Variants in FBXW2 observed in about 807,000 individuals in gnomAD.
FBXW2 encodes F-box/WD repeat-containing protein 2.
A neutral mutation model predicts 46.0 loss-of-function variants in FBXW2; 12 were observed. The ratio of observed to expected loss-of-function variants is 0.26; its 90% CI spans 0.17 to 0.42. The LOEUF (loss-of-function observed/expected upper bound fraction) is 0.42, where lower values mean the gene tolerates loss of function less well. Among genes scored for constraint, FBXW2 ranks in the 10% least tolerant of loss-of-function variants. The probability of loss-of-function intolerance (pLI) is 1.00; values close to 1 mark genes in which losing one functional copy is unlikely to be tolerated. For synonymous variants in FBXW2, 203 were observed against 209.6 expected, an observed-to-expected ratio of 0.97 and a Z score of 0.27; for missense variants, 360 against 537.0, an observed-to-expected ratio of 0.67 and a Z score of 3.26.
intron 5 of FBXW2, among the ~76,000 whole-genome samples, chr9:120,773,239 C>G (rs542719924): frequency 6.6e-6 from 1 of 150,660 alleles, no homozygotes; most frequent in African/African-American, 2.4e-5. Flanking sequence ...TCTTAGCATT[C>G]GTCTAGAAGC....
chr9:120,784,485 G>A (rs888207595), intron 3 of FBXW2, among the ~76,000 whole-genome samples: 16 of 151,732 alleles, frequency 1.1e-4, no homozygotes, highest in Admixed American at 1.3e-4. Context: ...AGGGTTGCTC[G>A]CTTGTAGTCC....
At position 120,759,457 on chromosome 9, in the gene FBXW2, A is replaced by T. The variant is rs1401489139; in HGVS notation, c.*5102T>A. ...TCCCCCTACCCCACACAGTTCAAAT[A>T]TAAACTTTATCTCATGCCCTCTAAA... On this transcript the variant is annotated 3_prime_UTR_variant, in exon 8 of 8. Transcript: ENST00000608872. The T allele has an allele frequency of 6.6e-6, 1 of 152,214 alleles. No homozygotes were observed. Among genetic ancestry groups the T allele is most frequent in the Non-Finnish European group, 1.5e-5 (1 of 68,032 alleles). The allele number at this position is 152,214 out of a possible 1,614,324, so 9.4% of individuals were successfully genotyped here. A position where few individuals can be genotyped will look rare whatever the true frequency, so the allele number is the denominator to read the frequency against.
chr9:120,758,090 G>A lies in FBXW2; in HGVS notation c.*6469C>T, dbSNP rs2044149053. ...TCACTTGTATTTTGGAAAAAACTGA[G>A]AATCAAGGATGAAAGTTAATAGTTG... On this transcript the variant is annotated 3_prime_UTR_variant, in exon 8 of 8. Coordinates refer to ENST00000608872, the MANE Select transcript of FBXW2 (RefSeq NM_012164.4). 1 of 152,136 alleles carries A rather than the reference G, an allele frequency of 6.6e-6. No homozygotes were observed. Among genetic ancestry groups the A allele is most frequent in the African/African-American group, 2.4e-5 (1 of 41,412 alleles). The allele number at this position is 152,136 out of a possible 1,614,324, so 9.4% of individuals were successfully genotyped here. A position where few individuals can be genotyped will look rare whatever the true frequency, so the allele number is the denominator to read the frequency against.
At chr9:120,774,897 T>C (rs2044459360) in intron 5 of FBXW2, among the ~76,000 whole-genome samples, 1 of 152,196 alleles carries the variant, frequency 6.6e-6, no homozygotes, top group African/African-American at 2.4e-5. Flanking sequence ...CTGGCTTATG[T>C]CCAGGTCATC....
Position 120,758,530 on chromosome 9 carries a change from G to C in FBXW2, c.*6029C>G, listed in dbSNP as rs953943668. 1.3e-5 allele frequency: 2 copies of C among 152,210 alleles called. No individual in the cohort carries two copies. The highest frequency in any genetic ancestry group is 4.8e-5 in the African/African-American group (2 of 41,396). The allele number at this position is 152,210 out of a possible 1,614,324, so 9.4% of individuals were successfully genotyped here. ...ACAGGTTGAACAGTGCACACAAGTG[G>C]TGAAGGCAGAAGGCAGCAGTCGGGA... On this transcript the variant is annotated 3_prime_UTR_variant, in exon 8 of 8. Coordinates refer to ENST00000608872, the MANE Select transcript of FBXW2 (RefSeq NM_012164.4).
Position 120,772,784 on chromosome 9 carries a change from G to T in FBXW2, c.876C>A (p.Ile292=). ...TCTCATATTTGTCTGCACTTAAGAG[G>T]ATGTAGTCTCCAGGACTGTGCAAGA... ...KSLLHSPGDY[I]LLSADKYEIK... Residue 292 remains isoleucine, a synonymous_variant, in exon 6 of 8, where the codon ATC becomes ATA. Coordinates refer to ENST00000608872, the MANE Select transcript of FBXW2 (RefSeq NM_012164.4). 1 of 1,576,250 alleles carries T rather than the reference G, an allele frequency of 6.3e-7. No homozygotes were observed. The highest frequency in any genetic ancestry group is 8.6e-7 in the Non-Finnish European group (1 of 1,168,296).
Position 120,764,201 on chromosome 9 carries a change from G to T in FBXW2, c.*358C>A, listed in dbSNP as rs1474909701. 1 of 400,868 alleles carries T rather than the reference G, an allele frequency of 2.5e-6. No homozygotes were observed. The highest frequency in any genetic ancestry group is 4.4e-6 in the Non-Finnish European group (1 of 227,690). The allele number at this position is 400,868 out of a possible 1,614,324, so 24.8% of individuals were successfully genotyped here. A position where few individuals can be genotyped will look rare whatever the true frequency, so the allele number is the denominator to read the frequency against. Reference sequence around the variant, plus strand: ...GTAAAAAGCTTTAATAACAGACAATGTGATTTCATAGGCAACCAATTAGCA... The same window carrying T: ...GTAAAAAGCTTTAATAACAGACAATTTGATTTCATAGGCAACCAATTAGCA... On this transcript the variant is annotated 3_prime_UTR_variant, in exon 8 of 8. Coordinates refer to ENST00000608872, the MANE Select transcript of FBXW2 (RefSeq NM_012164.4).
chr9:120,772,617 G>A (rs560959598), intron 6 of FBXW2, 137 bp downstream of exon 6: 20 of 535,314 alleles, frequency 3.7e-5, no homozygotes, highest in African/African-American at 8.0e-5. Context: ...CTCTTCTTCC[G>A]GTGGGTTTAA....
In FBXW2 at chr9:120,776,158, C is replaced by CT; in HGVS notation, c.753dup (p.Val252SerfsTer49). 6.2e-7 allele frequency: 1 copy of CT among 1,614,200 alleles called. No individual in the cohort carries two copies. The highest frequency in any genetic ancestry group is 1.1e-5 in the South Asian group (1 of 91,074). On this transcript the variant is annotated frameshift_variant, in exon 5 of 8. Coordinates refer to ENST00000608872, the MANE Select transcript of FBXW2 (RefSeq NM_012164.4). LOFTEE classifies it high-confidence loss of function. ...CATGTCCCAGCAGATAAAGCCCATA[C>CT]TTTCACAGTGAAGTCTGCAGAGCCG... is the stretch of plus-strand genomic sequence containing the variant.
At chr9:120,765,219 C>T (rs1471644034) in intron 7 of FBXW2, among the ~76,000 whole-genome samples, 2 of 151,848 alleles carry the variant, frequency 1.3e-5, no homozygotes, top group Non-Finnish European at 2.9e-5. Context: ...TTCAGCCTCA[C>T]AAGTAGCTGG....
At chr9:120,766,445 A>C (rs1183927856) in intron 7 of FBXW2, among the ~76,000 whole-genome samples, 1 of 151,976 alleles carries the variant, frequency 6.6e-6, no homozygotes, top group Admixed American at 6.6e-5. Context: ...CATAATTAAC[A>C]TGTTATCTTT....
At chr9:120,768,316 C>A (rs963595577) in intron 7 of FBXW2, among the ~76,000 whole-genome samples, 4 of 152,200 alleles carry the variant, frequency 2.6e-5, no homozygotes, top group Non-Finnish European at 5.9e-5. Flanking sequence ...CTCCTCTTAA[C>A]CCAACCATTA....
In FBXW2 at chr9:120,784,033, C is replaced by G. The variant is rs140316602; in HGVS notation, c.490+3736G>C. On this transcript the variant is annotated intron_variant, in intron 3 of 7. Transcript: ENST00000608872. ...GTCACAAATACCTCTCTTCACAGTT[C>G]CAGGGATGCTGCTGTTAGAAAAATT... is the stretch of plus-strand genomic sequence containing the variant. Among the ~76,000 whole-genome samples the G allele has an allele frequency of 5.9e-5, 9 of 152,254 alleles. 1 individual carries two copies. Among genetic ancestry groups the G allele is most frequent in the Middle Eastern group, 3.4e-3 (1 of 294 alleles).
intron 3 of FBXW2, among the ~76,000 whole-genome samples, chr9:120,783,094 C>T (rs1025755687): frequency 2.0e-5 from 3 of 151,664 alleles, no homozygotes; most frequent in African/African-American, 2.4e-5. Context: ...TGTATGTTTT[C>T]GCACAATTTG....
intron 7 of FBXW2, among the ~76,000 whole-genome samples, chr9:120,766,739 C>A (rs188840730): frequency 2.0e-5 from 3 of 152,310 alleles, no homozygotes; most frequent in African/African-American, 4.8e-5. Flanking sequence ...GGATTACAGG[C>A]GTGAGCCACT....
intron 3 of FBXW2, among the ~76,000 whole-genome samples, chr9:120,784,378 G>C (rs1294261332): frequency 6.6e-6 from 1 of 152,134 alleles, no homozygotes; most frequent in Non-Finnish European, 1.5e-5. Flanking sequence ...TTGGGAGGCT[G>C]AGACGGGCGG....
At chr9:120,793,322 C>T in intron 1 of FBXW2, 32 bp downstream of exon 1, 1 of 430,868 alleles carries the variant, frequency 2.3e-6, no homozygotes, top group Non-Finnish European at 4.1e-6. Context: ...CTAAGAGTCC[C>T]CTCCCCGACC....
Position 120,793,240 on chromosome 9 carries a change from G to T in FBXW2, c.-112C>A. The stretch of plus-strand genomic sequence containing the variant: ...CCAGAGCCTTGCAGCGGCCGGGTCC[G>T]CTCCGCAGCCATGGCGCCTGCAGGG... On this transcript the variant is annotated 5_prime_UTR_variant, in exon 2 of 8. Transcript: ENST00000608872. 1 of 494,228 alleles carries T rather than the reference G, an allele frequency of 2.0e-6. No homozygotes were observed. The highest frequency in any genetic ancestry group is 2.0e-5 in the African/African-American group (1 of 50,124). The allele number at this position is 494,228 out of a possible 1,614,324, so 30.6% of individuals were successfully genotyped here.
At chr9:120,788,393 C>G (rs953909067) in intron 2 of FBXW2, 115 bp from the exon 3 acceptor site, 6 of 908,426 alleles carry the variant, frequency 6.6e-6, no homozygotes, top group Non-Finnish European at 1.0e-5. Flanking sequence ...CAACTTTATG[C>G]GTAGTTACAT....
Sources: allele counts gnomAD v4.1 joint callset (sites outside exome capture counted in the v4.1 genomes callset), GRCh38; gene constraint gnomAD v4.1.1; transcripts MANE v1.5; gene names NCBI Gene and HGNC (gene_info 2026-07-23, HGNC 2026-07-21).